Variants in GADL1 observed in about 807,000 individuals in gnomAD.
GADL1 encodes the protein acidic amino acid decarboxylase GADL1.
Under a neutral mutation model 69.5 loss-of-function variants are expected in GADL1, and 71 were observed. The ratio of observed to expected loss-of-function variants is 1.02; its 90% CI spans 0.84 to 1.25. GADL1 has a LOEUF of 1.25. GADL1 is among the 50% of genes most tolerant of loss of function. The probability of loss-of-function intolerance (pLI) is 0.00; values close to 1 mark genes in which losing one functional copy is unlikely to be tolerated. For missense variants in GADL1, 737 were observed against 631.8 expected (o/e 1.17, Z -1.79); for synonymous variants, 254 against 214.4 (o/e 1.18, Z -1.62).
intron 9 of GADL1, among the ~76,000 whole-genome samples, chr3:30,836,942 A>ATG (rs761216511): frequency 3.3e-5 from 5 of 152,072 alleles, no homozygotes; most frequent in African/African-American, 1.2e-4. Context: ...AAAACGCATT[A>ATG]TATTACCAAA....
intron 4 of GADL1, among the ~76,000 whole-genome samples, chr3:30,854,095 C>T (rs1698190138): frequency 6.6e-6 from 1 of 152,116 alleles, no homozygotes; most frequent in Non-Finnish European, 1.5e-5. Flanking sequence ...GAATGGCATG[C>T]TGTGTCCTGC....
intron 11 of GADL1, 66 bp downstream of exon 11, chr3:30,833,787 A>G (rs1697828564): frequency 9.0e-7 from 1 of 1,114,656 alleles, no homozygotes; most frequent in African/African-American, 1.5e-5. Flanking sequence ...AGCAAAAATG[A>G]AGCCCTTGGC....
chr3:30,891,583 G>T lies in GADL1; in HGVS notation c.37+2995C>A, dbSNP rs1698787482. Among the ~76,000 whole-genome samples, 4 of 151,904 alleles carry T rather than the reference G, an allele frequency of 2.6e-5. No individual in the cohort carries two copies. The South Asian group carries it at 8.3e-4, about 32-fold the overall frequency. The stretch of plus-strand genomic sequence containing the variant: ...AGGAGTGTAGGGGTGCGGGACTCTG[G>T]AGTGAGAGCCCTGGGTTTAACGCCC... On this transcript the variant is annotated intron_variant, in intron 1 of 14. Coordinates refer to ENST00000282538, the MANE Select transcript of GADL1 (RefSeq NM_207359.3).
chr3:30,852,991 A>G (rs573877998), intron 4 of GADL1, among the ~76,000 whole-genome samples: 10 of 152,264 alleles, frequency 6.6e-5, no homozygotes, highest in African/African-American at 2.4e-4. Flanking sequence ...ACGTCCATGT[A>G]GCTAATCCAG....
At chr3:30,838,419 G>A (rs767008232) in intron 9 of GADL1, among the ~76,000 whole-genome samples, 2 of 152,042 alleles carry the variant, frequency 1.3e-5, no homozygotes, top group Non-Finnish European at 2.9e-5. Context: ...CCAATCCTTT[G>A]CTAGAAAATA....
At chr3:30,880,128 T>G (rs980320614) in intron 1 of GADL1, among the ~76,000 whole-genome samples, 9 of 151,982 alleles carry the variant, frequency 5.9e-5, no homozygotes, top group South Asian at 2.1e-4. Flanking sequence ...ATCTATGGAT[T>G]CAATAAATAT....
At chr3:30,800,799 A>T (rs565478893) in intron 12 of GADL1, 90 bp downstream of exon 12, 1 of 1,037,456 alleles carries the variant, frequency 9.6e-7, no homozygotes, top group Admixed American at 2.1e-5. Flanking sequence ...TATTACAGAC[A>T]CAGATAGACA....
chr3:30,850,167 A>T (rs1698128098), intron 5 of GADL1, 56 bp from the exon 6 acceptor site: 4 of 928,112 alleles, frequency 4.3e-6, no homozygotes, highest in Non-Finnish European at 7.0e-6. Flanking sequence ...AGCTCGCAAA[A>T]TGCTGAATAC....
At chr3:30,829,990 A>G (rs1686525225) in intron 11 of GADL1, among the ~76,000 whole-genome samples, 1 of 151,934 alleles carries the variant, frequency 6.6e-6, no homozygotes, top group Non-Finnish European at 1.5e-5. Context: ...CTCTTCAAAG[A>G]AGAGGGTGAC....
At chr3:30,882,740 C>T (rs936373809) in intron 1 of GADL1, among the ~76,000 whole-genome samples, 1 of 151,884 alleles carries the variant, frequency 6.6e-6, no homozygotes, top group Admixed American at 6.6e-5. Context: ...CATTTTAATG[C>T]TATTTTACAT....
chr3:30,748,724 A>C (rs1034884360), intron 14 of GADL1, among the ~76,000 whole-genome samples: 7 of 152,242 alleles, frequency 4.6e-5, no homozygotes, highest in Admixed American at 2.0e-4. Flanking sequence ...ACATTCAATA[A>C]ATATAATATT....
At chr3:30,799,811 A>T (rs1441960771) in intron 12 of GADL1, 1 of 152,210 alleles carries the variant, frequency 6.6e-6, no homozygotes, top group African/African-American at 2.4e-5. Context: ...ATCTCTCTCA[A>T]GTTCAAAGTT....
intron 9 of GADL1, among the ~76,000 whole-genome samples, 197 bp downstream of exon 9, chr3:30,838,800 A>G (rs1484428105): frequency 6.6e-6 from 1 of 152,170 alleles, no homozygotes; most frequent in Admixed American, 6.5e-5. Flanking sequence ...CCAGAAAGCT[A>G]AAACAAAATA....
chr3:30,819,195 C>T (rs9867943), intron 11 of GADL1, among the ~76,000 whole-genome samples: 23,458 of 125,890 alleles, frequency 0.19, 1,905 homozygotes, highest in African/African-American at 0.24. Flanking sequence ...TTTCTTGGTG[C>T]CCCGGGTTTA....
chr3:30,740,774 T>G (rs1333778526), intron 14 of GADL1, among the ~76,000 whole-genome samples: 1 of 151,314 alleles, frequency 6.6e-6, no homozygotes, highest in African/African-American at 2.4e-5. Flanking sequence ...CATCTTTTTC[T>G]TACAAATTTA....
intron 14 of GADL1, among the ~76,000 whole-genome samples, chr3:30,737,578 CT>C (rs1695557316): frequency 6.6e-6 from 1 of 152,056 alleles, no homozygotes; most frequent in African/African-American, 2.4e-5. Context: ...CTCATTTCCC[CT>C]GATACCTCCC....
chr3:30,771,128 A>G (rs929857875), intron 14 of GADL1, among the ~76,000 whole-genome samples: 1 of 152,206 alleles, frequency 6.6e-6, no homozygotes, highest in Non-Finnish European at 1.5e-5. Context: ...ATTTAGAAAG[A>G]CAATAATTAA....
At chr3:30,780,629 T>C (rs994590108) in intron 13 of GADL1, among the ~76,000 whole-genome samples, 9 of 152,236 alleles carry the variant, frequency 5.9e-5, no homozygotes, top group Non-Finnish European at 1.3e-4. Context: ...CAAAACAGTT[T>C]ACGATGTTTT....
Position 30,884,529 on chromosome 3 carries a change from C to CA in GADL1, c.37+10048dup, listed in dbSNP as rs955602070. 1.1e-4 allele frequency among the ~76,000 whole-genome samples: 16 copies of CA among 151,926 alleles called. No homozygotes were observed. The East Asian group carries it at 3.1e-3, about 30-fold the overall frequency. On this transcript the variant is annotated intron_variant, in intron 1 of 14. Transcript: ENST00000282538. ...CAACCACTATAACTTCATCAGTAGC[C>CA]AAAAAAACTTAATCTATTTACCTCC...
Sources: gnomAD v4.1 joint callset for allele counts (sites outside exome capture counted in the v4.1 genomes callset) on GRCh38, gnomAD v4.1.1 for gene constraint, MANE v1.5 for transcripts, NCBI Gene and HGNC (gene_info 2026-07-23, HGNC 2026-07-21) for gene names.